Variants in P4HA1 observed in about 807,000 individuals in gnomAD.
P4HA1 encodes the protein prolyl 4-hydroxylase subunit alpha 1.
P4HA1 carries 24 observed loss-of-function variants against 72.8 expected under a neutral mutation model. The ratio of observed to expected loss-of-function variants is 0.33; its 90% CI spans 0.24 to 0.46. The LOEUF is 0.46. Ranked by LOEUF, P4HA1 falls within the 20% of genes least tolerant of loss-of-function variation. The probability of loss-of-function intolerance (pLI) is 1.00; values close to 1 mark genes in which losing one functional copy is unlikely to be tolerated. For synonymous variants in P4HA1, 201 were observed against 218.8 expected (o/e 0.92, Z 0.72); for missense variants, 446 against 640.6 (o/e 0.70, Z 3.28).
At chr10:73,069,550 A>G (rs7908682) in intron 4 of P4HA1, among the ~76,000 whole-genome samples, 24,092 of 152,120 alleles carry the variant, frequency 0.16, 3,150 homozygotes, top group African/African-American at 0.34. Context: ...AATATATTTA[A>G]ATCAGTTTAA....
At chr10:73,068,736 T>C (rs1841482643) in intron 5 of P4HA1, 110 bp downstream of exon 5, 2 of 900,932 alleles carry the variant, frequency 2.2e-6, no homozygotes, top group Non-Finnish European at 1.7e-6. Flanking sequence ...TGAAACAAAC[T>C]ACAATTTAAA....
chr10:73,028,636 T>C (rs910358232), intron 10 of P4HA1, among the ~76,000 whole-genome samples: 14 of 151,772 alleles, frequency 9.2e-5, no homozygotes, highest in African/African-American at 3.4e-4. Flanking sequence ...GGTTTCTCCA[T>C]GTTGGTCAGG....
chr10:73,037,570 TA>T (rs71482542), intron 9 of P4HA1, among the ~76,000 whole-genome samples: 319 of 22,570 alleles, frequency 0.014, 3 homozygotes, highest in South Asian at 0.054. Flanking sequence ...TATATATATA[TA>T]TTTTTTTTTT....
At position 73,037,550 on chromosome 10, in the gene P4HA1, T is replaced by C. The variant is rs1245043060; in HGVS notation, c.1149-7180A>G. On this transcript the variant is annotated intron_variant, in intron 9 of 14. Coordinates refer to ENST00000394890, the MANE Select transcript of P4HA1 (RefSeq NM_001017962.3). ...CTATATATATATATATATATATATA[T>C]ATATATATATATATATATATATTTT... Among the ~76,000 whole-genome samples, 78 of 30,452 alleles carry C rather than the reference T, an allele frequency of 2.6e-3. 2 individuals carry two copies. The South Asian group carries it at 0.045, about 17-fold the overall frequency. 20.0% of individuals were successfully genotyped at this position (30,452 alleles called of 152,430 possible). A position where few individuals can be genotyped will look rare whatever the true frequency, so the allele number is the denominator to read the frequency against.
chr10:73,095,522 TA>T (rs3065972), intron 1 of P4HA1, among the ~76,000 whole-genome samples: 7,549 of 133,444 alleles, frequency 0.057, 539 homozygotes, highest in African/African-American at 0.17. Context: ...ACCAGAACTT[TA>T]AAAAAAAAAA....
At chr10:73,023,600 A>G (rs1177623058) in intron 10 of P4HA1, among the ~76,000 whole-genome samples, 1 of 152,178 alleles carries the variant, frequency 6.6e-6, no homozygotes, top group Non-Finnish European at 1.5e-5. Context: ...AACGAGCAAA[A>G]TAACCAGCGA....
chr10:73,077,484 A>G (rs969026663), intron 1 of P4HA1, among the ~76,000 whole-genome samples: 1 of 152,250 alleles, frequency 6.6e-6, no homozygotes, highest in Non-Finnish European at 1.5e-5. Context: ...TTCTTCGAAT[A>G]GCTTGAAAAT....
intron 9 of P4HA1, among the ~76,000 whole-genome samples, chr10:73,036,249 T>C (rs1037445997): frequency 1.3e-5 from 2 of 150,484 alleles, no homozygotes; most frequent in African/African-American, 2.5e-5. Context: ...CCAATGTTGA[T>C]TGTAGGTTAA....
At chr10:73,010,885 AT>A (rs763599329) in intron 13 of P4HA1, 83 bp downstream of exon 13, 1 of 966,026 alleles carries the variant, frequency 1.0e-6, no homozygotes, top group Non-Finnish European at 1.6e-6. Flanking sequence ...AAAAAATGTA[AT>A]TCATTAATTA....
At chr10:73,008,837 GTC>G (rs1402852216) in intron 14 of P4HA1, among the ~76,000 whole-genome samples, 3 of 138,416 alleles carry the variant, frequency 2.2e-5, no homozygotes, top group Non-Finnish European at 4.6e-5. Context: ...TTTTTTTTTT[GTC>G]TCTGGTACCA....
At chr10:73,036,404 C>T (rs927481033) in intron 9 of P4HA1, among the ~76,000 whole-genome samples, 6 of 151,758 alleles carry the variant, frequency 4.0e-5, no homozygotes, top group African/African-American at 1.5e-4. Flanking sequence ...AGTAACACTC[C>T]CTTTTTTTTT....
chr10:73,037,558 TATATATATATA>T (rs1261926875), intron 9 of P4HA1, among the ~76,000 whole-genome samples: 1,387 of 37,180 alleles, frequency 0.037, 51 homozygotes, highest in East Asian at 0.075. Flanking sequence ...TATATATATA[TATATATATATA>T]TATTTTTTTT....
intron 10 of P4HA1, among the ~76,000 whole-genome samples, chr10:73,029,280 G>C (rs543050737): frequency 6.6e-6 from 1 of 150,754 alleles, no homozygotes. Context: ...GTGTGGTGGC[G>C]CATGCCTGTA....
intron 9 of P4HA1, among the ~76,000 whole-genome samples, chr10:73,033,153 T>C (rs916326993): frequency 9.2e-5 from 14 of 152,210 alleles, no homozygotes; most frequent in Admixed American, 7.2e-4. Context: ...GATGGATGTC[T>C]GAACTTTATA....
chr10:73,079,753 A>C (rs1451077522), intron 1 of P4HA1, among the ~76,000 whole-genome samples: 2 of 152,142 alleles, frequency 1.3e-5, no homozygotes, highest in Non-Finnish European at 1.5e-5. Flanking sequence ...AAAATAAATA[A>C]ATAAATAAAT....
At chr10:73,092,211 T>A (rs913211854) in intron 1 of P4HA1, among the ~76,000 whole-genome samples, 1 of 152,204 alleles carries the variant, frequency 6.6e-6, no homozygotes, top group Admixed American at 6.5e-5. Context: ...ACAGATTTAA[T>A]ATCTAGTAAA....
chr10:73,040,478 T>C (rs112737464), intron 9 of P4HA1, among the ~76,000 whole-genome samples: 2 of 134,148 alleles, frequency 1.5e-5, no homozygotes, highest in Non-Finnish European at 1.5e-5. Flanking sequence ...ATTCATGAAT[T>C]TTTTTTTTTT....
At chr10:73,080,389 C>G (rs548104147) in intron 1 of P4HA1, among the ~76,000 whole-genome samples, 1 of 152,328 alleles carries the variant, frequency 6.6e-6, no homozygotes, top group Admixed American at 6.5e-5. Context: ...GCTGATAGTG[C>G]TGGCTGGGGG....
chr10:73,041,738 T>C (rs1418912593), intron 9 of P4HA1, among the ~76,000 whole-genome samples: 2 of 152,088 alleles, frequency 1.3e-5, no homozygotes, highest in Non-Finnish European at 2.9e-5. Context: ...ATATCCCCTT[T>C]GTTCATCATA....
Sources: gnomAD v4.1 joint callset for allele counts (sites outside exome capture counted in the v4.1 genomes callset) on GRCh38, gnomAD v4.1.1 for gene constraint, MANE v1.5 for transcripts, NCBI Gene and HGNC (gene_info 2026-07-23, HGNC 2026-07-21) for gene names.